PTPRU: variants seen among roughly 807,000 people sequenced by gnomAD.
PTPRU encodes protein tyrosine phosphatase receptor type U, also known as receptor-type tyrosine-protein phosphatase U.
PTPRU carries 69 observed loss-of-function variants against 166.3 expected under a neutral mutation model. That is an observed-to-expected ratio of 0.41 (90% CI 0.34 to 0.51). The LOEUF is 0.51. Among genes scored for constraint, PTPRU ranks in the 20% least tolerant of loss-of-function variants. PTPRU has a pLI of 0.09. For synonymous variants in PTPRU, 793 were observed against 814.0 expected, an observed-to-expected ratio of 0.97 and a Z score of 0.44; for missense variants, 1,657 against 2,013.7, an observed-to-expected ratio of 0.82 and a Z score of 3.39.
chr1:29,317,393 G>A lies in PTPRU; in HGVS notation c.3514-355G>A, dbSNP rs1454548197. 6.6e-6 allele frequency among the ~76,000 whole-genome samples: 1 copy of A among 152,122 alleles called. No individual in the cohort carries two copies. The highest frequency in any genetic ancestry group is 1.9e-4 in the East Asian group (1 of 5,182). ...GTTCCTCACTGTGCCCGTGTGTGCC[G>A]AGCTCAGCCCAGTGCTTGTCATGAT... On this transcript the variant is annotated intron_variant, in intron 24 of 29. Transcript: ENST00000373779. The surrounding 1 kb of genome is among the most constrained non-coding windows in gnomAD (Gnocchi z 5.6).
intron 26 of PTPRU, among the ~76,000 whole-genome samples, chr1:29,322,247 C>G (rs564604400): frequency 1.3e-5 from 2 of 152,346 alleles, no homozygotes; most frequent in South Asian, 2.1e-4. Context: ...GCTCAACCAA[C>G]TTTGCCCATG....
chr1:29,315,927 C>T lies in PTPRU; in HGVS notation c.3364-75C>T. ...CAGGACACCCTGCTTCAACCTTGAG[C>T]TTGCTTAAGCCCCATCACCACAGAT... On this transcript the variant is annotated intron_variant, in intron 23 of 29. Coordinates refer to ENST00000373779, the MANE Select transcript of PTPRU (RefSeq NM_133178.4). This position sits in a 1 kb window ranked among gnomAD's most constrained non-coding sequence, Gnocchi z 4.5. 6.5e-7 allele frequency: 1 copy of T among 1,544,048 alleles called. No homozygotes were observed. The highest frequency in any genetic ancestry group is 8.8e-7 in the Non-Finnish European group (1 of 1,134,142).
At chr1:29,313,321 G>T (rs991507174) in intron 22 of PTPRU, among the ~76,000 whole-genome samples, 1 of 152,030 alleles carries the variant, frequency 6.6e-6, no homozygotes, top group Admixed American at 6.6e-5. Flanking sequence ...GTCTCATTGC[G>T]GTTCCTCTAC....
Position 29,280,392 on chromosome 1 carries a change from G to C in PTPRU, c.1868+251G>C, listed in dbSNP as rs1365614123. 6.6e-6 allele frequency among the ~76,000 whole-genome samples: 1 copy of C among 152,188 alleles called. No homozygotes were observed. Among genetic ancestry groups the C allele is most frequent in the Non-Finnish European group, 1.5e-5 (1 of 68,014 alleles). On this transcript the variant is annotated intron_variant, in intron 11 of 29. Coordinates refer to ENST00000373779, the MANE Select transcript of PTPRU (RefSeq NM_133178.4). The surrounding 1 kb of genome is among the most constrained non-coding windows in gnomAD (Gnocchi z 4.2). ...CCTGGATAGGTCCAGCCTGGAGAGGGGACTGTCCAGGCCTGTCCAGGGGGC... is the reference window on the plus strand; with the variant it reads ...CCTGGATAGGTCCAGCCTGGAGAGGCGACTGTCCAGGCCTGTCCAGGGGGC...
intron 14 of PTPRU, among the ~76,000 whole-genome samples, chr1:29,286,784 C>A (rs1268151808): frequency 6.6e-6 from 1 of 152,072 alleles, no homozygotes; most frequent in Non-Finnish European, 1.5e-5. Flanking sequence ...GTTGTCAGGG[C>A]CTCACTGGGA....
In PTPRU at chr1:29,311,438, C is replaced by G; in HGVS notation, c.2858-18C>G. The G allele has an allele frequency of 6.2e-7, 1 of 1,610,882 alleles. No homozygotes were observed. The highest frequency in any genetic ancestry group is 8.5e-7 in the Non-Finnish European group (1 of 1,177,412). ...AGACCTTGTCTCAGGGACAGGCACC[C>G]TCTGCCTGCATCCCCAGGGCCGAAG... On this transcript the variant is annotated intron_variant, in intron 19 of 29. Coordinates refer to ENST00000373779, the MANE Select transcript of PTPRU (RefSeq NM_133178.4). The surrounding 1 kb of genome is among the most constrained non-coding windows in gnomAD (Gnocchi z 4.1).
rs190222605 is a variant in PTPRU at position 29,298,803 on chromosome 1, T to C, written c.2477-5052T>C. On this transcript the variant is annotated intron_variant, in intron 15 of 29. Transcript: ENST00000373779. ...TTTGAATCCTAGTGCTTCCATTTAA[T>C]GAGCAAGTAGCTTAACTCTTCTGGG... Among the ~76,000 whole-genome samples, 25 of 152,324 alleles carry C rather than the reference T, an allele frequency of 1.6e-4. No homozygotes were observed. The East Asian group carries it at 4.6e-3, about 28-fold the overall frequency.
At position 29,275,545 on chromosome 1, in the gene PTPRU, C is replaced by T; in HGVS notation, c.1242C>T (p.Cys414=). The T allele has an allele frequency of 1.2e-6, 2 of 1,614,226 alleles. No homozygotes were observed. The highest frequency in any genetic ancestry group is 1.7e-6 in the Non-Finnish European group (2 of 1,180,038). Residue 414 remains cysteine, a synonymous_variant, in exon 8 of 30, where the codon TGC becomes TGT. Transcript: ENST00000373779. Reference sequence around the variant, plus strand: ...CACTGGGCTACAACGTGACGCGTTGCCACACCTATACTGTGTCGCTGTGCT... The same window carrying T: ...CACTGGGCTACAACGTGACGCGTTGTCACACCTATACTGTGTCGCTGTGCT... ...WEPLGYNVTR[C]HTYTVSLCYH... is the part of the protein sequence containing the mutation.
chr1:29,250,223 A>G (rs918696971), intron 1 of PTPRU, among the ~76,000 whole-genome samples: 1 of 151,744 alleles, frequency 6.6e-6, no homozygotes, highest in Non-Finnish European at 1.5e-5. Context: ...CACTGGGACT[A>G]GGAGGTCCCT....
chr1:29,318,886 C>T (rs549918665), intron 25 of PTPRU, among the ~76,000 whole-genome samples: 27 of 152,318 alleles, frequency 1.8e-4, no homozygotes, highest in Admixed American at 9.8e-4. Context: ...TCTCTCCACG[C>T]GGAAATGAGG....
intron 26 of PTPRU, chr1:29,323,071 G>A: frequency 3.1e-6 from 1 of 319,974 alleles, no homozygotes; most frequent in South Asian, 3.7e-5. Flanking sequence ...AGGAGCGTGT[G>A]AACCGGTTAA....
At chr1:29,299,430 G>A (rs1687040541) in intron 15 of PTPRU, among the ~76,000 whole-genome samples, 1 of 152,170 alleles carries the variant, frequency 6.6e-6, no homozygotes, top group Non-Finnish European at 1.5e-5. Context: ...GGAGAGTAGG[G>A]ACCTGTCCTC....
Position 29,323,727 on chromosome 1 carries a change from C to T in PTPRU, c.4051C>T (p.Leu1351=). Residue 1351 remains leucine (L), a synonymous_variant, in exon 28 of 30, where the codon CTG becomes TTG. Coordinates refer to ENST00000373779, the MANE Select transcript of PTPRU (RefSeq NM_133178.4). The part of the protein sequence containing the change: ...PDSKKAFLHL[L]AEVDKWQAES... ...CTCCAAGAAGGCCTTCTTGCACCTGCTGGCTGAGGTGGACAAGTGGCAGGC... is the reference window on the plus strand; with the variant it reads ...CTCCAAGAAGGCCTTCTTGCACCTGTTGGCTGAGGTGGACAAGTGGCAGGC... The T allele has an allele frequency of 6.2e-7, 1 of 1,614,162 alleles. No individual in the cohort carries two copies. The highest frequency in any genetic ancestry group is 8.5e-7 in the Non-Finnish European group (1 of 1,180,014).
Position 29,320,561 on chromosome 1 carries a change from C to G in PTPRU, c.3688-124C>G, listed in dbSNP as rs1688107425. 1 of 1,182,598 alleles carries G rather than the reference C, an allele frequency of 8.5e-7. No individual in the cohort carries two copies. The highest frequency in any genetic ancestry group is 1.1e-6 in the Non-Finnish European group (1 of 883,876). 73.3% of individuals were successfully genotyped at this position (1,182,598 alleles called of 1,614,324 possible). A position where few individuals can be genotyped will look rare whatever the true frequency, so the allele number is the denominator to read the frequency against. On this transcript the variant is annotated intron_variant, in intron 25 of 29. Coordinates refer to ENST00000373779, the MANE Select transcript of PTPRU (RefSeq NM_133178.4). The surrounding 1 kb of genome is among the most constrained non-coding windows in gnomAD (Gnocchi z 5.2). ...TCAGAAATGGCCCACTGGAGGCAGC[C>G]TGGTCCTGTGGGGCACAACCGTCCA...
intron 17 of PTPRU, 78 bp downstream of exon 17, chr1:29,304,927 C>A: frequency 1.5e-6 from 2 of 1,362,494 alleles, no homozygotes; most frequent in Non-Finnish European, 2.0e-6. Flanking sequence ...CCAGGGTGAG[C>A]TGGGGCAGCC....
chr1:29,238,058 C>T lies in PTPRU; in HGVS notation c.73+1341C>T, dbSNP rs1041783680. 4.6e-5 allele frequency among the ~76,000 whole-genome samples: 7 copies of T among 151,652 alleles called. No individual in the cohort carries two copies. The highest frequency in any genetic ancestry group is 7.3e-5 in the African/African-American group (3 of 41,350). On this transcript the variant is annotated intron_variant, in intron 1 of 29. Coordinates refer to ENST00000373779, the MANE Select transcript of PTPRU (RefSeq NM_133178.4). This position sits in a 1 kb window ranked among gnomAD's most constrained non-coding sequence, Gnocchi z 6.1. ...GCGGCCTCCCGGCCGGCCGGGACCGCCAGGTGTGTGCTTGAGTGTGAGCGT... is the reference window on the plus strand; with the variant it reads ...GCGGCCTCCCGGCCGGCCGGGACCGTCAGGTGTGTGCTTGAGTGTGAGCGT...
rs895415823 is a variant in PTPRU at position 29,238,394 on chromosome 1, G to C, written c.73+1677G>C. On this transcript the variant is annotated intron_variant, in intron 1 of 29. Coordinates refer to ENST00000373779, the MANE Select transcript of PTPRU (RefSeq NM_133178.4). The surrounding 1 kb of genome is among the most constrained non-coding windows in gnomAD (Gnocchi z 6.1). Reference sequence around the variant, plus strand: ...CTCGCCACCGGCGGGGCTGCTCCGCGGGCTCCGGGTAGCCGGGAGACGCCC... The same window carrying C: ...CTCGCCACCGGCGGGGCTGCTCCGCCGGCTCCGGGTAGCCGGGAGACGCCC... Among the ~76,000 whole-genome samples the C allele has an allele frequency of 6.6e-6, 1 of 152,038 alleles. No homozygotes were observed. Among genetic ancestry groups the C allele is most frequent in the African/African-American group, 2.4e-5 (1 of 41,424 alleles).
At chr1:29,276,152 T>G (rs1685794500) in intron 8 of PTPRU, among the ~76,000 whole-genome samples, 1 of 152,172 alleles carries the variant, frequency 6.6e-6, no homozygotes, top group African/African-American at 2.4e-5. Flanking sequence ...ATAATGTTGT[T>G]TATAATTTTT....
chr1:29,244,767 G>A (rs74319381), intron 1 of PTPRU, among the ~76,000 whole-genome samples: 86 of 152,270 alleles, frequency 5.6e-4, no homozygotes, highest in Admixed American at 1.2e-3. Flanking sequence ...CACTGCATGC[G>A]TTTGTCATGA....
Sources: allele counts gnomAD v4.1 joint callset (sites outside exome capture counted in the v4.1 genomes callset), GRCh38; gene constraint gnomAD v4.1.1; non-coding constraint Gnocchi (gnomAD v3.1); transcripts MANE v1.5; gene names NCBI Gene and HGNC (gene_info 2026-07-23, HGNC 2026-07-21).